DCC: variants seen among roughly 807,000 people sequenced by gnomAD.
DCC encodes netrin receptor DCC.
A neutral mutation model predicts 172.5 loss-of-function variants in DCC; 58 were observed. The observed-to-expected ratio is 0.34, with a 90% CI of 0.27 to 0.42. The LOEUF (loss-of-function observed/expected upper bound fraction) is 0.42. Among genes scored for constraint, DCC ranks in the 10% least tolerant of loss-of-function variants. The pLI is 1.00. For missense variants in DCC, 1,740 were observed against 1,791.0 expected (o/e 0.97, Z 0.51); for synonymous variants, 709 against 644.5 (o/e 1.10, Z -1.52).
At chr18:52,584,172 T>G (rs1273223324) in intron 1 of DCC, among the ~76,000 whole-genome samples, 2 of 152,212 alleles carry the variant, frequency 1.3e-5, no homozygotes, top group Non-Finnish European at 2.9e-5. Context: ...TTTGATGAAT[T>G]CTACACTGTG....
rs115932753 is a variant in DCC, at chr18:52,762,325, T to A, written c.412+9951T>A. On this transcript the variant is annotated intron_variant, in intron 2 of 28. Transcript: ENST00000442544. Reference sequence around the variant, plus strand: ...ACTGTCTCTACAAAAAAATAAAAAATTACCTGGCTATGGTGGTGCATGCCT... The same window carrying A: ...ACTGTCTCTACAAAAAAATAAAAAAATACCTGGCTATGGTGGTGCATGCCT... Among the ~76,000 whole-genome samples the A allele has an allele frequency of 7.4e-3, 1,126 of 151,824 alleles. 15 individuals are homozygous for A. The highest frequency in any genetic ancestry group is 0.026 in the African/African-American group (1,066 of 41,422).
intron 5 of DCC, among the ~76,000 whole-genome samples, chr18:52,933,192 A>G (rs1205879456): frequency 1.3e-5 from 2 of 152,146 alleles, no homozygotes; most frequent in Non-Finnish European, 2.9e-5. Context: ...CAGTGTGAGT[A>G]GAAAACTAGC....
intron 7 of DCC, among the ~76,000 whole-genome samples, chr18:53,126,324 T>C (rs1196947072): frequency 6.6e-6 from 1 of 152,170 alleles, no homozygotes; most frequent in Non-Finnish European, 1.5e-5. Context: ...AACATTTCTA[T>C]AATGCCTCAA....
chr18:52,358,861 C>G (rs1050829757), intron 1 of DCC, among the ~76,000 whole-genome samples: 1 of 152,208 alleles, frequency 6.6e-6, no homozygotes, highest in Non-Finnish European at 1.5e-5. Context: ...ATTGCTGCTG[C>G]AGCATCAATG....
At chr18:52,359,821 TA>T (rs1460697300) in intron 1 of DCC, among the ~76,000 whole-genome samples, 1 of 152,226 alleles carries the variant, frequency 6.6e-6, no homozygotes, top group African/African-American at 2.4e-5. Context: ...GTTCCCATAT[TA>T]TTTTTTTCCT....
chr18:52,372,342 A>G (rs1425189203), intron 1 of DCC, among the ~76,000 whole-genome samples: 1 of 152,144 alleles, frequency 6.6e-6, no homozygotes, highest in Admixed American at 6.5e-5. Context: ...CTCTCTTGCA[A>G]AAACACATGT....
intron 2 of DCC, among the ~76,000 whole-genome samples, chr18:52,784,629 TCTC>T (rs1157824128): frequency 6.6e-6 from 1 of 152,120 alleles, no homozygotes. Flanking sequence ...GAGAAGATCT[TCTC>T]ATTGTGGTTC....
rs74180424 is a variant in DCC, at chr18:53,437,582, C to CAA, written c.3229+2400_3229+2401dup. ...TGGGCAACAGAGCAAGGCTCCATCT[C>CAA]AAAAAAAAAAAAAAAAAAAAAAAAA... On this transcript the variant is annotated intron_variant, in intron 22 of 28. Coordinates refer to ENST00000442544, the MANE Select transcript of DCC (RefSeq NM_005215.4). Among the ~76,000 whole-genome samples the CAA allele has an allele frequency of 8.6e-3, 179 of 20,836 alleles. 33 individuals carry two copies. The highest frequency in any genetic ancestry group is 0.033 in the East Asian group (7 of 214). The allele number at this position is 20,836 out of a possible 152,430, so 13.7% of individuals were successfully genotyped here. A position where few individuals can be genotyped will look rare whatever the true frequency, so the allele number is the denominator to read the frequency against.
At chr18:53,441,874 T>C (rs1045600827) in intron 22 of DCC, among the ~76,000 whole-genome samples, 1 of 152,208 alleles carries the variant, frequency 6.6e-6, no homozygotes, top group African/African-American at 2.4e-5. Flanking sequence ...TTAAGATAAC[T>C]GAATGTAATC....
rs1388213335 is a variant in DCC at position 53,355,339 on chromosome 18, C to T, written c.2359+15432C>T. The stretch of plus-strand genomic sequence containing the variant: ...GTCATTGGTAGCTTGATGGAGATGG[C>T]ATTGAATCTATAAATTACCTTGGGC... On this transcript the variant is annotated intron_variant, in intron 15 of 28. Transcript: ENST00000442544. 5.3e-5 allele frequency among the ~76,000 whole-genome samples: 8 copies of T among 152,180 alleles called. 1 individual carries two copies. The South Asian group carries it at 1.7e-3, about 32-fold the overall frequency.
At chr18:52,642,237 C>T (rs1251583260) in intron 1 of DCC, among the ~76,000 whole-genome samples, 1 of 151,728 alleles carries the variant, frequency 6.6e-6, no homozygotes, top group East Asian at 1.9e-4. Context: ...AACCAAACAT[C>T]ATACGTTCTC....
rs371622258 is a variant in DCC, at chr18:53,468,736, A to T, written c.3736+726A>T. 1.4e-3 allele frequency among the ~76,000 whole-genome samples: 210 copies of T among 152,180 alleles called. 3 individuals carry two copies. The highest frequency in any genetic ancestry group is 6.8e-3 in the Middle Eastern group (2 of 294). ...TGAGTCTAATTCTCACACTTAAATA[A>T]TCTAGCTCCTTTAAAGCAGATGTTG... On this transcript the variant is annotated intron_variant, in intron 25 of 28. Transcript: ENST00000442544.
intron 1 of DCC, among the ~76,000 whole-genome samples, chr18:52,489,298 C>T (rs763388069): frequency 6.6e-4 from 100 of 152,036 alleles, no homozygotes; most frequent in Non-Finnish European, 1.3e-3. Context: ...ATAGTTGTCT[C>T]AAAAAGATCT....
intron 1 of DCC, among the ~76,000 whole-genome samples, chr18:52,529,802 A>C (rs893639073): frequency 6.6e-6 from 1 of 152,144 alleles, no homozygotes; most frequent in Non-Finnish European, 1.5e-5. Context: ...CCACCTTCTT[A>C]TCTCTCTTCT....
At chr18:52,913,066 C>T (rs528707209) in intron 3 of DCC, among the ~76,000 whole-genome samples, 2 of 152,076 alleles carry the variant, frequency 1.3e-5, no homozygotes, top group South Asian at 2.1e-4. Context: ...CTAAGTTCCA[C>T]GTCATTCTGT....
intron 1 of DCC, among the ~76,000 whole-genome samples, chr18:52,627,614 T>C (rs2034598401): frequency 6.6e-6 from 1 of 152,210 alleles, no homozygotes. Context: ...ACAACTTCTT[T>C]CTGTAGAGAA....
chr18:52,524,906 G>A (rs929412566), intron 1 of DCC, among the ~76,000 whole-genome samples: 9 of 151,390 alleles, frequency 5.9e-5, no homozygotes, highest in African/African-American at 2.2e-4. Flanking sequence ...TTTTATTTTT[G>A]GTCATAGAAG....
chr18:53,207,641 GC>G, intron 10 of DCC, 37 bp from the exon 11 acceptor site: 1 of 1,597,682 alleles, frequency 6.3e-7, no homozygotes, highest in Non-Finnish European at 8.6e-7. Context: ...ACTTTAATGT[GC>G]TTCCTTGATA....
intron 1 of DCC, among the ~76,000 whole-genome samples, chr18:52,483,303 A>G (rs2030044595): frequency 6.6e-6 from 1 of 152,080 alleles, no homozygotes; most frequent in South Asian, 2.1e-4. Context: ...TATCTGTTGG[A>G]GGGCCATGCA....
Sources: allele counts gnomAD v4.1 joint callset (sites outside exome capture counted in the v4.1 genomes callset), GRCh38; gene constraint gnomAD v4.1.1; transcripts MANE v1.5; gene names NCBI Gene and HGNC (gene_info 2026-07-23, HGNC 2026-07-21).